Variants in ZSWIM6 observed in about 807,000 individuals in gnomAD.
ZSWIM6 encodes the protein zinc finger SWIM domain-containing protein 6.
Under a neutral mutation model 113.2 loss-of-function variants are expected in ZSWIM6, and 9 were observed. The ratio of observed to expected loss-of-function variants is 0.08; its 90% CI spans 0.05 to 0.14. The LOEUF (loss-of-function observed/expected upper bound fraction) is 0.14. Among genes scored for constraint, ZSWIM6 ranks in the 10% least tolerant of loss-of-function variants. ZSWIM6 has a pLI of 1.00. For synonymous variants in ZSWIM6, 611 were observed against 606.5 expected (o/e 1.01, Z -0.11); for missense variants, 1,162 against 1,552.2 (o/e 0.75, Z 4.22).
At chr5:61,372,031 T>A (rs147879155) in intron 1 of ZSWIM6, among the ~76,000 whole-genome samples, 2,415 of 152,304 alleles carry the variant, frequency 0.016, 23 homozygotes, top group Middle Eastern at 0.099. Flanking sequence ...TTTTGTTGAT[T>A]TATTATCTTT....
chr5:61,536,367 C>T (rs1333508421), intron 10 of ZSWIM6, among the ~76,000 whole-genome samples: 1 of 152,104 alleles, frequency 6.6e-6, no homozygotes. Flanking sequence ...TTACAAATAA[C>T]CTTTAAATTT....
intron 1 of ZSWIM6, among the ~76,000 whole-genome samples, chr5:61,434,292 C>T (rs986100106): frequency 6.6e-4 from 100 of 150,636 alleles, no homozygotes; most frequent in African/African-American, 2.3e-3. Context: ...ACTACAGTTA[C>T]TTAAAGTTTT....
intron 13 of ZSWIM6, among the ~76,000 whole-genome samples, chr5:61,542,980 CTT>C (rs1393505804): frequency 6.6e-6 from 1 of 152,170 alleles, no homozygotes; most frequent in Non-Finnish European, 1.5e-5. Flanking sequence ...CTTCTATTGA[CTT>C]TGTTCTCTTG....
intron 1 of ZSWIM6, among the ~76,000 whole-genome samples, chr5:61,411,727 C>T (rs1746151699): frequency 6.6e-6 from 1 of 152,084 alleles, no homozygotes; most frequent in Non-Finnish European, 1.5e-5. Context: ...CACCTTCTTG[C>T]TGTGTCTTCA....
chr5:61,462,136 G>A (rs564363849), intron 1 of ZSWIM6, among the ~76,000 whole-genome samples: 4 of 152,240 alleles, frequency 2.6e-5, no homozygotes, highest in African/African-American at 9.6e-5. Context: ...TGCTTGTCAG[G>A]CTATAAATTA....
rs145646876 is a variant in ZSWIM6, at chr5:61,451,957, A to G, written c.677-20724A>G. Reference sequence around the variant, plus strand: ...TATATTAAAGAATATGTAAGTATGTATGAGTTATAAAACAAAACAATACAA... The same window carrying G: ...TATATTAAAGAATATGTAAGTATGTGTGAGTTATAAAACAAAACAATACAA... On this transcript the variant is annotated intron_variant, in intron 1 of 13. Coordinates refer to ENST00000252744, the MANE Select transcript of ZSWIM6 (RefSeq NM_020928.2). Among the ~76,000 whole-genome samples the G allele has an allele frequency of 2.2e-4, 34 of 152,306 alleles. No homozygotes were observed. In the East Asian group the frequency reaches 6.2e-3, roughly 28 times the overall value.
intron 7 of ZSWIM6, among the ~76,000 whole-genome samples, chr5:61,529,317 T>TC (rs1001732142): frequency 3.9e-5 from 6 of 152,122 alleles, no homozygotes; most frequent in Non-Finnish European, 7.4e-5. Flanking sequence ...TAGCTTTTTT[T>TC]CCCAGCATTC....
chr5:61,500,696 G>T (rs1748442368), intron 4 of ZSWIM6, among the ~76,000 whole-genome samples: 1 of 152,088 alleles, frequency 6.6e-6, no homozygotes. Flanking sequence ...CCAAATACGT[G>T]CCATTGACTG....
At chr5:61,392,241 G>A (rs996422466) in intron 1 of ZSWIM6, among the ~76,000 whole-genome samples, 1 of 152,130 alleles carries the variant, frequency 6.6e-6, no homozygotes, top group East Asian at 1.9e-4. Flanking sequence ...GGAGAAAGAC[G>A]GAAAGCAACA....
intron 1 of ZSWIM6, among the ~76,000 whole-genome samples, chr5:61,444,913 C>T (rs1365274970): frequency 6.6e-6 from 1 of 152,116 alleles, no homozygotes; most frequent in African/African-American, 2.4e-5. Context: ...CAAGATTTAG[C>T]AGGAGTGGGT....
intron 1 of ZSWIM6, among the ~76,000 whole-genome samples, chr5:61,413,440 G>C (rs35432189): frequency 0.081 from 12,251 of 151,730 alleles, 705 homozygotes; most frequent in South Asian, 0.19. Context: ...CATTTGGCTT[G>C]GTTCCAAGTC....
chr5:61,453,889 T>A (rs1230374224), intron 1 of ZSWIM6, among the ~76,000 whole-genome samples: 1 of 152,090 alleles, frequency 6.6e-6, no homozygotes, highest in Admixed American at 6.6e-5. Context: ...TTTGAGGCTA[T>A]GCAGATATTC....
chr5:61,380,908 G>T (rs949870322), intron 1 of ZSWIM6, among the ~76,000 whole-genome samples: 1 of 151,376 alleles, frequency 6.6e-6, no homozygotes, highest in African/African-American at 2.4e-5. Context: ...AAGAAAGCCT[G>T]GGCAACATGG....
intron 1 of ZSWIM6, among the ~76,000 whole-genome samples, chr5:61,417,609 A>T (rs180741335): frequency 1.0e-3 from 156 of 152,336 alleles, no homozygotes; most frequent in Non-Finnish European, 1.3e-3. Context: ...AAAGAGGTTC[A>T]TGTTAGCATG....
intron 1 of ZSWIM6, among the ~76,000 whole-genome samples, chr5:61,358,343 G>GT (rs1422117480): frequency 3.9e-5 from 6 of 152,108 alleles, no homozygotes; most frequent in Non-Finnish European, 5.9e-5. Flanking sequence ...TTAAGTTAAT[G>GT]TTTTTTTCCA....
chr5:61,537,559 TAA>T (rs11416812), intron 10 of ZSWIM6, among the ~76,000 whole-genome samples: 2 of 147,858 alleles, frequency 1.4e-5, no homozygotes. Context: ...TATTCTGAGT[TAA>T]AAAAAAAAAA....
At chr5:61,407,011 C>G (rs12520628) in intron 1 of ZSWIM6, among the ~76,000 whole-genome samples, 33,640 of 152,154 alleles carry the variant, frequency 0.22, 3,968 homozygotes, top group South Asian at 0.32. Context: ...TTGCACCCGG[C>G]CTCTCAGAAA....
At chr5:61,385,015 G>A (rs1401969654) in intron 1 of ZSWIM6, among the ~76,000 whole-genome samples, 5 of 152,092 alleles carry the variant, frequency 3.3e-5, no homozygotes, top group African/African-American at 1.2e-4. Context: ...AGCTGAGATC[G>A]TGCCACTGCA....
chr5:61,353,162 TG>T (rs1452838148), intron 1 of ZSWIM6, among the ~76,000 whole-genome samples: 6 of 152,202 alleles, frequency 3.9e-5, no homozygotes, highest in Non-Finnish European at 5.9e-5. Context: ...AAAGTGGTCT[TG>T]GAGAAACCTG....
Sources: allele counts gnomAD v4.1 joint callset (sites outside exome capture counted in the v4.1 genomes callset), GRCh38; gene constraint gnomAD v4.1.1; transcripts MANE v1.5; gene names NCBI Gene and HGNC (gene_info 2026-07-23, HGNC 2026-07-21).